Variants in COMMD10 observed in about 807,000 individuals in gnomAD.
COMMD10 encodes the protein COMM domain-containing protein 10.
In COMMD10, 33 loss-of-function variants were observed where a neutral mutation model predicts 28.9. The ratio of observed to expected loss-of-function variants is 1.14; its 90% CI spans 0.87 to 1.53. COMMD10 has a LOEUF of 1.53. Among genes scored for constraint, COMMD10 ranks in the 40% most tolerant of loss-of-function variants. The pLI, the probability that COMMD10 is intolerant of heterozygous loss-of-function variation, is 0.00. For missense variants in COMMD10, 310 were observed against 233.4 expected, an observed-to-expected ratio of 1.33 and a Z score of -2.14; for synonymous variants, 110 against 81.7, an observed-to-expected ratio of 1.35 and a Z score of -1.87.
At chr5:116,228,745 T>C (rs998782470) in intron 5 of COMMD10, among the ~76,000 whole-genome samples, 19 of 152,004 alleles carry the variant, frequency 1.2e-4, no homozygotes, top group African/African-American at 3.4e-4. Context: ...AATAAGATCT[T>C]TTAGGATCAC....
intron 1 of COMMD10, chr5:116,085,391 G>A (rs1318580830): frequency 7.1e-6 from 3 of 419,656 alleles, no homozygotes; most frequent in Non-Finnish European, 1.3e-5. Context: ...GCGGAGTTTG[G>A]TATCAGAAGT....
At chr5:116,266,370 T>G (rs1750584366) in intron 5 of COMMD10, among the ~76,000 whole-genome samples, 1 of 151,776 alleles carries the variant, frequency 6.6e-6, no homozygotes, top group African/African-American at 2.4e-5. Flanking sequence ...AAGGGGTATA[T>G]TTCAATGGAA....
chr5:116,222,166 T>G (rs189740501), intron 5 of COMMD10, among the ~76,000 whole-genome samples: 1 of 152,210 alleles, frequency 6.6e-6, no homozygotes, highest in Non-Finnish European at 1.5e-5. Flanking sequence ...TTGTAACTTC[T>G]TACTCTCTTC....
chr5:116,269,425 A>G (rs1196278088), intron 5 of COMMD10, among the ~76,000 whole-genome samples: 1 of 151,678 alleles, frequency 6.6e-6, no homozygotes, highest in Non-Finnish European at 1.5e-5. Context: ...TCTCCTTATG[A>G]CTTTCACATT....
chr5:116,112,780 A>G (rs1386131750), intron 4 of COMMD10, among the ~76,000 whole-genome samples: 3 of 151,640 alleles, frequency 2.0e-5, no homozygotes, highest in Non-Finnish European at 4.4e-5. Flanking sequence ...GGTATATGAG[A>G]TTTTGTTCCT....
At chr5:116,119,546 G>A (rs77221613) in intron 4 of COMMD10, among the ~76,000 whole-genome samples, 2,953 of 151,858 alleles carry the variant, frequency 0.019, 95 homozygotes, top group African/African-American at 0.062. Context: ...ATTCACTTCT[G>A]TGTTTTATAG....
chr5:116,164,868 CA>C (rs1238759067), intron 5 of COMMD10, among the ~76,000 whole-genome samples: 1 of 151,994 alleles, frequency 6.6e-6, no homozygotes, highest in Non-Finnish European at 1.5e-5. Flanking sequence ...GTGCCCTTGG[CA>C]AGGAGGATGA....
intron 4 of COMMD10, among the ~76,000 whole-genome samples, chr5:116,116,596 G>T (rs914155838): frequency 5.9e-5 from 9 of 152,060 alleles, no homozygotes; most frequent in Admixed American, 4.6e-4. Context: ...AAAAGGCATA[G>T]GTTTTCTGTA....
chr5:116,091,218 C>T, intron 3 of COMMD10, 29 bp downstream of exon 3: 4 of 1,274,034 alleles, frequency 3.1e-6, no homozygotes, highest in Non-Finnish European at 4.5e-6. Flanking sequence ...ATTTTCTAGC[C>T]ATGATTTGTT....
At chr5:116,263,101 T>C (rs1325255549) in intron 5 of COMMD10, among the ~76,000 whole-genome samples, 1 of 151,876 alleles carries the variant, frequency 6.6e-6, no homozygotes, top group East Asian at 1.9e-4. Context: ...GTAGAAGTTC[T>C]TCACGAATAT....
chr5:116,287,121 T>C (rs1183284955), intron 5 of COMMD10, among the ~76,000 whole-genome samples: 1 of 151,778 alleles, frequency 6.6e-6, no homozygotes, highest in Non-Finnish European at 1.5e-5. Flanking sequence ...TTAAATAATG[T>C]CATTTTGTTC....
At chr5:116,104,233 T>C (rs1750759607) in intron 4 of COMMD10, among the ~76,000 whole-genome samples, 1 of 152,240 alleles carries the variant, frequency 6.6e-6, no homozygotes, top group African/African-American at 2.4e-5. Context: ...TAAATTACTT[T>C]GGACAGTATA....
At chr5:116,291,934 T>G (rs1251210888) in intron 6 of COMMD10, among the ~76,000 whole-genome samples, 2 of 152,074 alleles carry the variant, frequency 1.3e-5, no homozygotes, top group Non-Finnish European at 2.9e-5. Context: ...TTTAGAGATT[T>G]ATCTGTGAGT....
chr5:116,169,873 G>A (rs1363339795), intron 5 of COMMD10, among the ~76,000 whole-genome samples: 1 of 152,110 alleles, frequency 6.6e-6, no homozygotes, highest in Admixed American at 6.5e-5. Context: ...CATACCCACA[G>A]CCAATATCAT....
chr5:116,152,981 C>G (rs186160470), intron 5 of COMMD10, among the ~76,000 whole-genome samples: 142 of 152,110 alleles, frequency 9.3e-4, no homozygotes, highest in Admixed American at 9.3e-3. Flanking sequence ...TGCATAATAG[C>G]TACCCACTCA....
intron 4 of COMMD10, among the ~76,000 whole-genome samples, chr5:116,101,636 A>C (rs1293222606): frequency 1.3e-5 from 2 of 152,084 alleles, no homozygotes; most frequent in Non-Finnish European, 2.9e-5. Context: ...CATGTTGGTC[A>C]GGCTGGTCTC....
At chr5:116,266,156 G>C (rs1214681987) in intron 5 of COMMD10, among the ~76,000 whole-genome samples, 1 of 151,608 alleles carries the variant, frequency 6.6e-6, no homozygotes, top group Non-Finnish European at 1.5e-5. Context: ...GGGGCAATGA[G>C]AACAAAGGCA....
At chr5:116,280,011 G>A (rs12109104) in intron 5 of COMMD10, among the ~76,000 whole-genome samples, 71,359 of 151,520 alleles carry the variant, frequency 0.47, 18,753 homozygotes, top group African/African-American at 0.71. Context: ...AAGTGCTATA[G>A]CGATCTGAAG....
chr5:116,116,760 G>A (rs1371913861), intron 4 of COMMD10, among the ~76,000 whole-genome samples: 1 of 146,838 alleles, frequency 6.8e-6, no homozygotes, highest in Non-Finnish European at 1.5e-5. Context: ...CGCCCAGGCC[G>A]GACTGTGGAC....
Sources: gnomAD v4.1 joint callset for allele counts (sites outside exome capture counted in the v4.1 genomes callset) on GRCh38, gnomAD v4.1.1 for gene constraint, MANE v1.5 for transcripts, NCBI Gene and HGNC (gene_info 2026-07-23, HGNC 2026-07-21) for gene names.